Variants in GRIK2 observed in about 807,000 individuals in gnomAD.
GRIK2 encodes glutamate receptor ionotropic, kainate 2.
Under a neutral mutation model 100.3 loss-of-function variants are expected in GRIK2, and 32 were observed. The observed-to-expected ratio is 0.32, with a 90% CI of 0.24 to 0.43. GRIK2 has a LOEUF of 0.43. GRIK2 is among the 20% of genes least tolerant of loss of function. The probability of loss-of-function intolerance (pLI) is 1.00; values close to 1 mark genes in which losing one functional copy is unlikely to be tolerated. For synonymous variants in GRIK2, 417 were observed against 389.4 expected (o/e 1.07, Z -0.83); for missense variants, 843 against 1,114.9 (o/e 0.76, Z 3.47).
chr6:102,044,176 C>T (rs751102272), intron 15 of GRIK2, among the ~76,000 whole-genome samples: 59 of 151,984 alleles, frequency 3.9e-4, no homozygotes, highest in Admixed American at 2.6e-4. Flanking sequence ...CAATCCATAA[C>T]ATTTTAATCA....
intron 7 of GRIK2, among the ~76,000 whole-genome samples, chr6:101,748,294 T>C (rs1776563706): frequency 6.6e-6 from 1 of 152,190 alleles, no homozygotes; most frequent in Non-Finnish European, 1.5e-5. Flanking sequence ...TTTGGTTCTA[T>C]AATTCCTTTC....
intron 7 of GRIK2, among the ~76,000 whole-genome samples, chr6:101,780,209 G>A (rs549493732): frequency 9.2e-5 from 14 of 152,080 alleles, no homozygotes; most frequent in East Asian, 1.9e-4. Context: ...TCCATGGTCC[G>A]TGGAACCATA....
chr6:101,579,261 T>A (rs902195228), intron 2 of GRIK2, among the ~76,000 whole-genome samples: 6 of 152,142 alleles, frequency 3.9e-5, no homozygotes, highest in Non-Finnish European at 8.8e-5. Flanking sequence ...AAGCAGCAGT[T>A]AAGATTCAAA....
intron 16 of GRIK2, among the ~76,000 whole-genome samples, chr6:102,059,586 A>AATTTTGT (rs1297036646): frequency 6.6e-6 from 1 of 150,806 alleles, no homozygotes. Context: ...TAATATACTG[A>AATTTTGT]ATTTTGTTGT....
intron 7 of GRIK2, among the ~76,000 whole-genome samples, chr6:101,744,297 A>C (rs943827922): frequency 6.6e-6 from 1 of 151,654 alleles, no homozygotes; most frequent in Non-Finnish European, 1.5e-5. Context: ...CTGAGTCTCC[A>C]AAGTCCAATG....
At chr6:101,807,208 G>A (rs1240145674) in intron 9 of GRIK2, among the ~76,000 whole-genome samples, 2 of 151,932 alleles carry the variant, frequency 1.3e-5, no homozygotes, top group Non-Finnish European at 2.9e-5. Flanking sequence ...CAAGGGATCA[G>A]TGGGTTGGGG....
chr6:101,847,365 C>T (rs984729836), intron 10 of GRIK2, among the ~76,000 whole-genome samples: 1 of 152,070 alleles, frequency 6.6e-6, no homozygotes, highest in African/African-American at 2.4e-5. Context: ...GCATTTTAAA[C>T]AGTATAATAT....
intron 9 of GRIK2, among the ~76,000 whole-genome samples, chr6:101,807,973 T>C (rs1258323074): frequency 6.6e-6 from 1 of 152,018 alleles, no homozygotes; most frequent in Non-Finnish European, 1.5e-5. Flanking sequence ...TATAAAAACA[T>C]CATCACCAAC....
intron 13 of GRIK2, among the ~76,000 whole-genome samples, chr6:101,925,231 T>C (rs1789810341): frequency 6.6e-6 from 1 of 152,172 alleles, no homozygotes; most frequent in East Asian, 1.9e-4. Flanking sequence ...ATTAGCTGCA[T>C]TTGATAGCAT....
rs1479842048 is a variant in GRIK2, at chr6:101,498,437, C to T, written c.115+99045C>T. 2.6e-5 allele frequency among the ~76,000 whole-genome samples: 4 copies of T among 151,866 alleles called. No individual in the cohort carries two copies. The South Asian group carries it at 6.3e-4, about 24-fold the overall frequency. ...TTCTAGTTCTAGGTCCCTGAGGAATCGCCACACTGACTTCCACAATGGTTG... is the reference window on the plus strand; with the variant it reads ...TTCTAGTTCTAGGTCCCTGAGGAATTGCCACACTGACTTCCACAATGGTTG... On this transcript the variant is annotated intron_variant, in intron 2 of 16. Transcript: ENST00000369134.
intron 11 of GRIK2, among the ~76,000 whole-genome samples, chr6:101,879,043 A>G: frequency 6.6e-6 from 1 of 152,028 alleles, no homozygotes; most frequent in East Asian, 1.9e-4. Flanking sequence ...AGCCACTACC[A>G]CGTGGTGTGC....
chr6:101,733,854 A>T (rs780059758), intron 7 of GRIK2, among the ~76,000 whole-genome samples: 20 of 151,974 alleles, frequency 1.3e-4, no homozygotes, highest in Admixed American at 2.0e-4. Context: ...ACAAGACACT[A>T]AAACATAGTT....
intron 14 of GRIK2, among the ~76,000 whole-genome samples, chr6:102,018,171 G>C (rs559522289): frequency 4.6e-5 from 7 of 152,006 alleles, no homozygotes; most frequent in Admixed American, 2.0e-4. Flanking sequence ...ATAAGGGGAG[G>C]GTAACTTTTT....
intron 7 of GRIK2, among the ~76,000 whole-genome samples, chr6:101,729,679 C>T (rs749569834): frequency 1.8e-4 from 27 of 149,588 alleles, no homozygotes; most frequent in Admixed American, 3.4e-4. Context: ...TGAAATAAGA[C>T]CGTGGTGTGG....
intron 2 of GRIK2, among the ~76,000 whole-genome samples, chr6:101,575,553 T>C (rs938330318): frequency 2.6e-5 from 4 of 152,046 alleles, no homozygotes; most frequent in Non-Finnish European, 4.4e-5. Flanking sequence ...TATCTGAATA[T>C]GGCTTTCTTG....
chr6:101,767,716 GT>G (rs1300772319), intron 7 of GRIK2, among the ~76,000 whole-genome samples: 1 of 151,968 alleles, frequency 6.6e-6, no homozygotes, highest in Non-Finnish European at 1.5e-5. Flanking sequence ...AGGAGCATGG[GT>G]GGTGGGATCT....
At chr6:101,399,524 C>T in intron 2 of GRIK2, 132 bp downstream of exon 2, 1 of 638,500 alleles carries the variant, frequency 1.6e-6, no homozygotes, top group South Asian at 1.9e-5. Context: ...TCTCCTGGGG[C>T]TTTTAAAGAA....
intron 14 of GRIK2, among the ~76,000 whole-genome samples, chr6:101,979,704 C>T (rs1793601466): frequency 6.6e-6 from 1 of 151,908 alleles, no homozygotes; most frequent in African/African-American, 2.4e-5. Flanking sequence ...ATGCACACCC[C>T]CTTCATCTTG....
intron 2 of GRIK2, among the ~76,000 whole-genome samples, chr6:101,416,366 C>A (rs1178535215): frequency 6.6e-6 from 1 of 152,202 alleles, no homozygotes; most frequent in Non-Finnish European, 1.5e-5. Context: ...TGGCCTGCCT[C>A]TCCCTGCTTG....
Sources: allele counts gnomAD v4.1 joint callset (sites outside exome capture counted in the v4.1 genomes callset), GRCh38; gene constraint gnomAD v4.1.1; transcripts MANE v1.5; gene names NCBI Gene and HGNC (gene_info 2026-07-23, HGNC 2026-07-21).